COX19: variants seen among roughly 807,000 people sequenced by gnomAD.
COX19 encodes cytochrome c oxidase assembly factor COX19.
In COX19, 8 loss-of-function variants were observed where a neutral mutation model predicts 6.8. The ratio of observed to expected loss-of-function variants is 1.18; its 90% CI spans 0.69 to 2.12. COX19 has a LOEUF of 2.12. COX19 is among the 30% of genes most tolerant of loss of function. The pLI is 0.00. For missense variants in COX19, 131 were observed against 104.6 expected, an observed-to-expected ratio of 1.25 and a Z score of -1.10; for synonymous variants, 51 against 38.0, an observed-to-expected ratio of 1.34 and a Z score of -1.26.
chr7:969,540 C>T (rs1447538654), intron 2 of COX19, 84 bp from the exon 3 acceptor site: 18 of 869,508 alleles, frequency 2.1e-5, no homozygotes, highest in South Asian at 4.2e-5. Flanking sequence ...TCCCAGCGCA[C>T]ACCGGGGGTC....
chr7:972,010 G>A (rs1323870183), intron 2 of COX19, among the ~76,000 whole-genome samples: 1 of 152,194 alleles, frequency 6.6e-6, no homozygotes, highest in Non-Finnish European at 1.5e-5. Context: ...CTGTCCTCGG[G>A]AGTCTCAAGG....
intron 2 of COX19, 131 bp downstream of exon 2, chr7:973,050 A>G (rs565880156): frequency 2.5e-5 from 12 of 486,418 alleles, no homozygotes; most frequent in African/African-American, 6.0e-5. Flanking sequence ...AGGGCAAACA[A>G]TTCCACAGTC....
chr7:969,524 C>G (rs1239847440), intron 2 of COX19, 68 bp from the exon 3 acceptor site: 4 of 1,016,698 alleles, frequency 3.9e-6, no homozygotes, highest in Non-Finnish European at 6.1e-6. Flanking sequence ...CTTGCAGGCC[C>G]CGGCTTCCCA....
At chr7:973,757 G>C (rs1847666489) in intron 1 of COX19, among the ~76,000 whole-genome samples, 2 of 152,028 alleles carry the variant, frequency 1.3e-5, no homozygotes, top group Non-Finnish European at 1.5e-5. Context: ...CCTGAGGTCA[G>C]GAGTTCAAGA....
rs1213575928 is a variant in COX19, at chr7:967,548, G to T, written c.*1830C>A. ...GCGGTGCGAGCGGAGAGGCAGGCCC[G>T]ACCCGGGCCTGGGCACTCCCGACGG... is the stretch of plus-strand genomic sequence containing the variant. On this transcript the variant is annotated 3_prime_UTR_variant, in exon 3 of 3. Transcript: ENST00000344111. 6.6e-6 allele frequency: 1 copy of T among 152,220 alleles called. No homozygotes were observed. Among genetic ancestry groups the T allele is most frequent in the Non-Finnish European group, 1.5e-5 (1 of 68,036 alleles). 9.4% of individuals were successfully genotyped at this position (152,220 alleles called of 1,614,324 possible).
In COX19 at chr7:973,261, C is replaced by T. The variant is rs1327404081; in HGVS notation, c.114G>A (p.Met38Ile). The change falls in exon 2 of 3, where the codon ATG (methionine) becomes ATA (isoleucine). Residue 38 changes from methionine (M) to isoleucine (I), a missense_variant. Met to Ile is a conservative substitution (Grantham distance 10, BLOSUM62 1). Coordinates refer to ENST00000344111, the MANE Select transcript of COX19 (RefSeq NM_001031617.3). ...CAAAATTATTGTTATGAAGACACTT[C>T]ATGAATTTCTCTTTAAAGCTTTTAC... ...GECKSFKEKF[M>I]KCLHNNNFEN... 7.5e-6 allele frequency: 12 copies of T among 1,596,476 alleles called. No homozygotes were observed.
intron 2 of COX19, among the ~76,000 whole-genome samples, chr7:970,104 G>A (rs1360958897): frequency 1.3e-5 from 2 of 152,058 alleles, no homozygotes; most frequent in East Asian, 3.9e-4. Context: ...CTGGGTAGCT[G>A]AGACTGCAGG....
intron 2 of COX19, among the ~76,000 whole-genome samples, chr7:970,865 C>T (rs190028163): frequency 2.0e-5 from 3 of 152,316 alleles, no homozygotes; most frequent in Admixed American, 2.0e-4. Flanking sequence ...ATGTGAGCCA[C>T]CACTTCTTGC....
chr7:970,009 G>C (rs10215380), intron 2 of COX19, among the ~76,000 whole-genome samples: 11,903 of 147,106 alleles, frequency 0.081, 542 homozygotes, highest in Admixed American at 0.14. Flanking sequence ...TGTCTCCCAT[G>C]CTGGGATGCA....
rs1018299706 is a variant in COX19, at chr7:973,364, G to A, written c.83-72C>T. 8 of 1,459,116 alleles carry A rather than the reference G, an allele frequency of 5.5e-6. No homozygotes were observed. The African/African-American group carries it at 1.2e-4, about 21-fold the overall frequency. The allele number at this position is 1,459,116 out of a possible 1,614,324, so 90.4% of individuals were successfully genotyped here. On this transcript the variant is annotated intron_variant, in intron 1 of 2. Transcript: ENST00000344111. The stretch of plus-strand genomic sequence containing the variant: ...ATGCAACCACACAACAGCCTTAAGA[G>A]CTGCGCTGCTTTTCCTTTCAAAACT...
At position 965,627 on chromosome 7, in the gene COX19, C is replaced by T. The variant is rs772631544; in HGVS notation, c.*3751G>A. Among the ~76,000 whole-genome samples the T allele has an allele frequency of 3.9e-5, 6 of 152,214 alleles. No homozygotes were observed. Among genetic ancestry groups the T allele is most frequent in the African/African-American group, 4.8e-5 (2 of 41,466 alleles). On this transcript the variant is annotated 3_prime_UTR_variant, in exon 3 of 3. Transcript: ENST00000344111. The stretch of plus-strand genomic sequence containing the variant: ...CAGCAGACACCTGCTTCACACCACA[C>T]GTCACCACTCACTTCATGGCAACTG...
intron 1 of COX19, among the ~76,000 whole-genome samples, chr7:974,646 TTTTTC>T (rs916581956): frequency 1.4e-4 from 21 of 151,852 alleles, no homozygotes; most frequent in African/African-American, 2.2e-4. Flanking sequence ...TCACAGATCG[TTTTTC>T]TTTTCTTTTC....
rs7792825 is a variant in COX19, at chr7:966,937, T to C, written c.*2441A>G. 0.23 allele frequency: 35,690 copies of C among 152,034 alleles called. 4,898 individuals are homozygous for C. The highest frequency in any genetic ancestry group is 0.51 in the East Asian group (2,609 of 5,166). The allele number at this position is 152,034 out of a possible 1,614,324, so 9.4% of individuals were successfully genotyped here. ...CAGACCAGCCATCGCGGTGATGTGGTGCTTGGGTCCAAGAAGCTTTTATTT... is the reference window on the plus strand; with the variant it reads ...CAGACCAGCCATCGCGGTGATGTGGCGCTTGGGTCCAAGAAGCTTTTATTT... On this transcript the variant is annotated 3_prime_UTR_variant, in exon 3 of 3. Transcript: ENST00000344111.
intron 1 of COX19, among the ~76,000 whole-genome samples, chr7:974,583 C>G (rs968512543): frequency 1.3e-4 from 20 of 152,184 alleles, no homozygotes; most frequent in Non-Finnish European, 2.9e-4. Context: ...AAAATTCTTT[C>G]ATTTTTGCTA....
chr7:968,228 G>A lies in COX19; in HGVS notation c.*1150C>T, dbSNP rs756747144. ...GGGCCACCACTGCAGGACAGAAACA[G>A]AGGGCCTTTGCTGCAGAGAACTGGA... On this transcript the variant is annotated 3_prime_UTR_variant, in exon 3 of 3. Transcript: ENST00000344111. 1.3e-5 allele frequency: 2 copies of A among 152,362 alleles called. No homozygotes were observed. Among genetic ancestry groups the A allele is most frequent in the Non-Finnish European group, 2.9e-5 (2 of 68,108 alleles). 9.4% of individuals were successfully genotyped at this position (152,362 alleles called of 1,614,324 possible).
rs999286170 is a variant in COX19 at position 965,697 on chromosome 7, G to C, written c.*3681C>G. Among the ~76,000 whole-genome samples the C allele has an allele frequency of 2.0e-5, 3 of 152,234 alleles. No individual in the cohort carries two copies. Among genetic ancestry groups the C allele is most frequent in the African/African-American group, 7.2e-5 (3 of 41,460 alleles). ...GTTCTGTCGCCCAGGCTGGAGTGTG[G>C]TGGCACAATCCCTGCTCACTGCAAC... On this transcript the variant is annotated 3_prime_UTR_variant, in exon 3 of 3. Coordinates refer to ENST00000344111, the MANE Select transcript of COX19 (RefSeq NM_001031617.3).
In COX19 at chr7:967,220, G is replaced by C. The variant is rs4723023; in HGVS notation, c.*2158C>G. Reference sequence around the variant, plus strand: ...TCACAGGTACGTACAGGAAAAAACAGCGCCTGGACAGGATTCGGGACTATC... The same window carrying C: ...TCACAGGTACGTACAGGAAAAAACACCGCCTGGACAGGATTCGGGACTATC... On this transcript the variant is annotated 3_prime_UTR_variant, in exon 3 of 3. Coordinates refer to ENST00000344111, the MANE Select transcript of COX19 (RefSeq NM_001031617.3). The C allele has an allele frequency of 0.49, 74,102 of 151,928 alleles. 20,631 individuals carry two copies. The highest frequency in any genetic ancestry group is 0.78 in the African/African-American group (32,247 of 41,438). 9.4% of individuals were successfully genotyped at this position (151,928 alleles called of 1,614,324 possible).
At chr7:975,255 G>A in intron 1 of COX19, 173 bp downstream of exon 1, 1 of 501,516 alleles carries the variant, frequency 2.0e-6, no homozygotes, top group South Asian at 2.9e-5. Context: ...CCCACCTGCA[G>A]GGTCCATGCC....
chr7:974,744 C>T (rs1465402721), intron 1 of COX19, among the ~76,000 whole-genome samples: 2 of 152,040 alleles, frequency 1.3e-5, no homozygotes, highest in Admixed American at 6.6e-5. Flanking sequence ...CTGCAACCTC[C>T]GTCTCCCGGT....
Sources: gnomAD v4.1 joint callset for allele counts (sites outside exome capture counted in the v4.1 genomes callset) on GRCh38, gnomAD v4.1.1 for gene constraint, MANE v1.5 for transcripts, NCBI Gene and HGNC (gene_info 2026-07-23, HGNC 2026-07-21) for gene names.